Variants in DNAAF11 observed in about 807,000 individuals in gnomAD.
DNAAF11 encodes the protein dynein axonemal assembly factor 11.
Under a neutral mutation model 60.8 loss-of-function variants are expected in DNAAF11, and 45 were observed. That is an observed-to-expected ratio of 0.74 (90% confidence interval 0.58 to 0.95). The LOEUF is 0.95. Among genes scored for constraint, DNAAF11 ranks in the 40% least tolerant of loss-of-function variants. DNAAF11 has a pLI of 0.00. For missense variants in DNAAF11, 546 were observed against 546.2 expected, an observed-to-expected ratio of 1.00 and a Z score of 0.00; for synonymous variants, 191 against 183.5, an observed-to-expected ratio of 1.04 and a Z score of -0.33.
intron 4 of DNAAF11, among the ~76,000 whole-genome samples, chr8:132,635,939 T>C (rs907438517): frequency 6.6e-6 from 1 of 152,032 alleles, no homozygotes; most frequent in African/African-American, 2.4e-5. Context: ...CAGCAGAAGC[T>C]AGGAGGGAGG....
intron 10 of DNAAF11, among the ~76,000 whole-genome samples, chr8:132,597,759 G>T (rs759084989): frequency 1.3e-5 from 2 of 152,148 alleles, no homozygotes; most frequent in Non-Finnish European, 2.9e-5. Flanking sequence ...AACTATGCAG[G>T]TTATCTTCCA....
chr8:132,601,118 T>C (rs1482348216), intron 10 of DNAAF11, among the ~76,000 whole-genome samples: 1 of 152,168 alleles, frequency 6.6e-6, no homozygotes, highest in Non-Finnish European at 1.5e-5. Flanking sequence ...GCAAAGGATA[T>C]GAACAGACAT....
At chr8:132,675,703 G>C (rs958263596), upstream of DNAAF11, 2 of 447,948 alleles carry the variant, frequency 4.5e-6, no homozygotes, top group African/African-American at 4.1e-5. Context: ...GGGCTCAGCA[G>C]ACAGGGGTTC....
chr8:132,645,953 T>C lies in DNAAF11; in HGVS notation c.257-7846A>G, dbSNP rs189287208. Among the ~76,000 whole-genome samples the C allele has an allele frequency of 7.2e-4, 110 of 152,236 alleles. 1 individual carries two copies. Among genetic ancestry groups the C allele is most frequent in the Non-Finnish European group, 4.0e-4 (27 of 68,008 alleles). ...GGAGAACTTCCCCAACCTAGCAAGG[T>C]AGGACAACATTCAAATCCAGGAAAT... is the stretch of plus-strand genomic sequence containing the variant. On this transcript the variant is annotated intron_variant, in intron 3 of 11. Coordinates refer to ENST00000620350, the MANE Select transcript of DNAAF11 (RefSeq NM_012472.6).
At chr8:132,675,376 C>G in intron 1 of DNAAF11, 108 bp downstream of exon 1, 1 of 1,290,696 alleles carries the variant, frequency 7.7e-7, no homozygotes, top group Non-Finnish European at 1.1e-6. Flanking sequence ...CGCCCAGGCG[C>G]GGGGGAACCG....
intron 10 of DNAAF11, among the ~76,000 whole-genome samples, chr8:132,592,230 G>A (rs1232505948): frequency 6.6e-6 from 1 of 152,148 alleles, no homozygotes; most frequent in Non-Finnish European, 1.5e-5. Context: ...CACAGCTTTA[G>A]GGCAGTGAGA....
intron 3 of DNAAF11, among the ~76,000 whole-genome samples, chr8:132,655,708 T>TA (rs1355552678): frequency 6.6e-6 from 1 of 151,664 alleles, no homozygotes; most frequent in Non-Finnish European, 1.5e-5. Context: ...AGTAAGCACA[T>TA]AAAAAATGCT....
chr8:132,659,764 C>T (rs895136346), intron 2 of DNAAF11, among the ~76,000 whole-genome samples: 4 of 152,028 alleles, frequency 2.6e-5, no homozygotes, highest in Non-Finnish European at 4.4e-5. Flanking sequence ...TAGAAGCAAC[C>T]ACATCACCAG....
chr8:132,625,536 C>T (rs1260239062), intron 5 of DNAAF11, 82 bp from the exon 6 acceptor site: 7 of 1,037,972 alleles, frequency 6.7e-6, no homozygotes, highest in African/African-American at 3.3e-5. Flanking sequence ...AATATCTATA[C>T]ACTTTTCTTA....
chr8:132,614,838 A>G (rs543260012), intron 8 of DNAAF11, among the ~76,000 whole-genome samples, 200 bp downstream of exon 8: 1 of 152,336 alleles, frequency 6.6e-6, no homozygotes, highest in South Asian at 2.1e-4. Flanking sequence ...GTTCATATCC[A>G]TGAAATTGTG....
intron 6 of DNAAF11, among the ~76,000 whole-genome samples, chr8:132,622,958 G>A (rs931247196): frequency 1.5e-4 from 23 of 151,906 alleles, no homozygotes; most frequent in African/African-American, 5.3e-4. Flanking sequence ...TTTGAATGAG[G>A]GAAGAAAACT....
At position 132,622,670 on chromosome 8, in the gene DNAAF11, C is replaced by T; in HGVS notation, c.855G>A (p.Val285=). 8.1e-6 allele frequency: 13 copies of T among 1,613,356 alleles called. No individual in the cohort carries two copies. Among genetic ancestry groups the T allele is most frequent in the East Asian group, 2.2e-5 (1 of 44,822 alleles). ...QEKLSEKKKK[V]KPPRTLITED... ...CAGTGATCAAAGTCCTGGGTGGTTTCACTTTCTTCTTTTTTTCACTTAAGA... is the reference window on the plus strand; with the variant it reads ...CAGTGATCAAAGTCCTGGGTGGTTTTACTTTCTTCTTTTTTTCACTTAAGA... The change falls in exon 7 of 12, where the codon GTG becomes GTA. Residue 285 remains valine (V), a synonymous_variant. Transcript: ENST00000620350.
At chr8:132,607,034 C>G (rs1818208256) in intron 10 of DNAAF11, among the ~76,000 whole-genome samples, 1 of 152,148 alleles carries the variant, frequency 6.6e-6, no homozygotes, top group African/African-American at 2.4e-5. Flanking sequence ...TGTTTTGAAG[C>G]CACAGTAGTG....
chr8:132,647,789 T>C (rs1159366130), intron 3 of DNAAF11, among the ~76,000 whole-genome samples: 4 of 152,112 alleles, frequency 2.6e-5, no homozygotes, highest in Admixed American at 1.3e-4. Flanking sequence ...CCTGGACATA[T>C]ACACCACCCC....
At position 132,661,468 on chromosome 8, in the gene DNAAF11, C is replaced by G; in HGVS notation, c.170G>C (p.Gly57Ala). The G allele has an allele frequency of 2.5e-6, 4 of 1,611,236 alleles. No individual in the cohort carries two copies. The highest frequency in any genetic ancestry group is 3.4e-6 in the Non-Finnish European group (4 of 1,178,560). ...KILYLQNNLI[G>A]KIENVSKLKK... ...TAAGTACTGAAACTTACCAATTTTC[C>G]CAATAAGATTATTTTGAAGATAGAG... Residue 57 changes from glycine (G) to alanine (A), a missense_variant, in exon 2 of 12, where the codon GGG (glycine) becomes GCG (alanine). Gly to Ala is a moderately conservative substitution (Grantham distance 60). Coordinates refer to ENST00000620350, the MANE Select transcript of DNAAF11 (RefSeq NM_012472.6).
intron 3 of DNAAF11, 48 bp from the exon 4 acceptor site, chr8:132,638,155 A>G (rs1821493602): frequency 8.9e-6 from 13 of 1,468,686 alleles, no homozygotes; most frequent in Non-Finnish European, 1.2e-5. Flanking sequence ...GAAAAATCAC[A>G]CTGGTAACAA....
At chr8:132,660,574 T>A (rs2130807754) in intron 2 of DNAAF11, among the ~76,000 whole-genome samples, 1 of 152,216 alleles carries the variant, frequency 6.6e-6, no homozygotes, top group South Asian at 2.1e-4. Flanking sequence ...TCCATTAGAG[T>A]AACTCCACAG....
intron 3 of DNAAF11, among the ~76,000 whole-genome samples, chr8:132,653,174 A>C (rs1434382447): frequency 6.6e-6 from 1 of 152,198 alleles, no homozygotes; most frequent in Non-Finnish European, 1.5e-5. Context: ...TAAAAAACAC[A>C]AAAGAAAGTT....
the DNAAF11 span, among the ~76,000 whole-genome samples, chr8:132,689,096 A>T: frequency 6.6e-6 from 1 of 152,124 alleles, no homozygotes; most frequent in South Asian, 2.1e-4. Flanking sequence ...GGGTGATGTG[A>T]TTAGAGAGGA....
Sources: allele counts gnomAD v4.1 joint callset (sites outside exome capture counted in the v4.1 genomes callset), GRCh38; gene constraint gnomAD v4.1.1; transcripts MANE v1.5; gene names NCBI Gene and HGNC (gene_info 2026-07-23, HGNC 2026-07-21).